MSTN: variants seen among roughly 807,000 people sequenced by gnomAD.
MSTN encodes the protein myostatin.
Under a neutral mutation model 32.3 loss-of-function variants are expected in MSTN, and 12 were observed. That is an observed-to-expected ratio of 0.37 (90% CI 0.24 to 0.60). The LOEUF is 0.60. MSTN is among the 20% of genes least tolerant of loss of function. The pLI is 0.67. For synonymous variants in MSTN, 168 were observed against 155.1 expected, an observed-to-expected ratio of 1.08 and a Z score of -0.62; for missense variants, 403 against 450.3, an observed-to-expected ratio of 0.89 and a Z score of 0.95.
chr2:190,059,911 A>G (rs1685544353), intron 2 of MSTN, 151 bp downstream of exon 2: 3 of 685,734 alleles, frequency 4.4e-6, no homozygotes, highest in Middle Eastern at 3.9e-4. Context: ...TTGGACACCT[A>G]CTTTTATTGG....
At chr2:190,058,706 A>C (rs187828298) in intron 2 of MSTN, among the ~76,000 whole-genome samples, 1 of 152,122 alleles carries the variant, frequency 6.6e-6, no homozygotes. Flanking sequence ...CTTTTGCAGC[A>C]AATTAGATGG....
rs147068830 is a variant in MSTN at position 190,061,076 on chromosome 2, G to A, written c.374-641C>T. Reference sequence around the variant, plus strand: ...TCTTTAGGGCCAGGCTGTCATGTAAGCACAAGCACTAACAATTTCTTTTAT... The same window carrying A: ...TCTTTAGGGCCAGGCTGTCATGTAAACACAAGCACTAACAATTTCTTTTAT... On this transcript the variant is annotated intron_variant, in intron 1 of 2. Transcript: ENST00000260950. 9.9e-4 allele frequency among the ~76,000 whole-genome samples: 150 copies of A among 152,150 alleles called. 1 individual carries two copies. Among genetic ancestry groups the A allele is most frequent in the Middle Eastern group, 3.4e-3 (1 of 294 alleles).
intron 2 of MSTN, among the ~76,000 whole-genome samples, chr2:190,059,501 A>C (rs992583482): frequency 5.3e-5 from 8 of 151,986 alleles, no homozygotes; most frequent in Non-Finnish European, 1.0e-4. Flanking sequence ...CAGTGCATCA[A>C]CATCCTACAA....
chr2:190,061,464 G>A (rs557100152), intron 1 of MSTN, among the ~76,000 whole-genome samples: 2 of 151,876 alleles, frequency 1.3e-5, no homozygotes, highest in African/African-American at 4.8e-5. Context: ...TATTTTAGAA[G>A]GTTATTAAGC....
chr2:190,057,474 A>G lies in MSTN; in HGVS notation c.912T>C (p.Tyr304=), dbSNP rs1219783891. The G allele has an allele frequency of 1.2e-6, 2 of 1,613,580 alleles. No homozygotes were observed. The highest frequency in any genetic ancestry group is 1.1e-5 in the South Asian group (1 of 91,072). The part of the protein sequence containing the change: ...GWDWIIAPKR[Y]KANYCSGECE... ...ACTCTCCAGAGCAGTAATTGGCCTT[A>G]TATCTTTTAGGAGCGATAATCCAAT... The change falls in exon 3 of 3, where the codon TAT becomes TAC. Residue 304 remains tyrosine, a synonymous_variant. Transcript: ENST00000260950.
chr2:190,057,756 T>C, intron 2 of MSTN, 118 bp from the exon 3 acceptor site: 2 of 1,045,350 alleles, frequency 1.9e-6, no homozygotes, highest in Non-Finnish European at 2.9e-6. Context: ...ACCACATTTA[T>C]TTTTAAAAGG....
At chr2:190,058,565 C>A (rs779485054) in intron 2 of MSTN, among the ~76,000 whole-genome samples, 1 of 151,922 alleles carries the variant, frequency 6.6e-6, no homozygotes. Context: ...GTATGTTTAT[C>A]GCAGCATAAT....
chr2:190,058,422 T>G (rs968914111), intron 2 of MSTN, among the ~76,000 whole-genome samples: 9 of 151,982 alleles, frequency 5.9e-5, no homozygotes, highest in Non-Finnish European at 1.3e-4. Flanking sequence ...TAAATGAAAA[T>G]AGCTCTGGCA....
rs750361333 is a variant in MSTN, at chr2:190,062,566, A to G, written c.31T>C (p.Tyr11His). MQKLQLCVYIYLFMLIVAGPV... is the reference protein window; with the variant it reads MQKLQLCVYIHLFMLIVAGPV... ...CCAGCAACAATCAGCATAAACAGGT[A>G]AATATAAACACAGAGTTGCAGTTTT... Residue 11 changes from tyrosine (Y) to histidine (H), a missense_variant, in exon 1 of 3, where the codon TAC (tyrosine) becomes CAC (histidine). By Grantham distance (83) the Tyr-to-His change is moderately conservative (BLOSUM62 2). Transcript: ENST00000260950. 1 of 1,612,780 alleles carries G rather than the reference A, an allele frequency of 6.2e-7. No individual in the cohort carries two copies. Among genetic ancestry groups the G allele is most frequent in the Non-Finnish European group, 8.5e-7 (1 of 1,179,300 alleles).
intron 2 of MSTN, 31 bp downstream of exon 2, chr2:190,060,031 T>C (rs1441224282): frequency 6.3e-7 from 1 of 1,599,292 alleles, no homozygotes; most frequent in East Asian, 2.2e-5. Context: ...AACATAAGGT[T>C]ATTATAATGT....
At chr2:190,059,983 G>A (rs1431303529) in intron 2 of MSTN, 79 bp downstream of exon 2, 9 of 1,437,588 alleles carry the variant, frequency 6.3e-6, no homozygotes, top group Non-Finnish European at 7.7e-6. Flanking sequence ...GGAATTTGTA[G>A]CTATTTTCCA....
Position 190,057,028 on chromosome 2 carries a change from C to A in MSTN, c.*230G>T. Reference sequence around the variant, plus strand: ...AACATAAATGTAATTTGATCTCCTTCTAGCTCAAAAACTCTGGAAATCATA... The same window carrying A: ...AACATAAATGTAATTTGATCTCCTTATAGCTCAAAAACTCTGGAAATCATA... On this transcript the variant is annotated 3_prime_UTR_variant, in exon 3 of 3. Transcript: ENST00000260950. The A allele has an allele frequency of 1.9e-6, 1 of 524,218 alleles. No individual in the cohort carries two copies. The highest frequency in any genetic ancestry group is 2.5e-5 in the South Asian group (1 of 40,178). 32.5% of individuals were successfully genotyped at this position (524,218 alleles called of 1,614,324 possible). A position where few individuals can be genotyped will look rare whatever the true frequency, so the allele number is the denominator to read the frequency against.
chr2:190,060,506 T>G, intron 1 of MSTN, 71 bp from the exon 2 acceptor site: 1 of 1,385,770 alleles, frequency 7.2e-7, no homozygotes, highest in Non-Finnish European at 9.9e-7. Flanking sequence ...ATATTAATAG[T>G]TGAGCATTTT....
chr2:190,062,702 A>G lies in MSTN; in HGVS notation c.-106T>C. The G allele has an allele frequency of 9.3e-7, 1 of 1,073,422 alleles. No homozygotes were observed. The highest frequency in any genetic ancestry group is 1.3e-6 in the Non-Finnish European group (1 of 744,628). 66.5% of individuals were successfully genotyped at this position (1,073,422 alleles called of 1,614,324 possible). On this transcript the variant is annotated 5_prime_UTR_variant, in exon 1 of 3. Coordinates refer to ENST00000260950, the MANE Select transcript of MSTN (RefSeq NM_005259.3). Reference sequence around the variant, plus strand: ...AAAATTTTAATGCATGTACAGTCTGAGAGACAACTTGCCACACCAGTGAAT... The same window carrying G: ...AAAATTTTAATGCATGTACAGTCTGGGAGACAACTTGCCACACCAGTGAAT...
rs752729720 is a variant in MSTN, at chr2:190,060,024, A to C, written c.747+38T>G. 8 of 1,588,100 alleles carry C rather than the reference A, an allele frequency of 5.0e-6. No individual in the cohort carries two copies. The African/African-American group carries it at 9.4e-5, about 19-fold the overall frequency. On this transcript the variant is annotated intron_variant, in intron 2 of 2. Transcript: ENST00000260950. ...GTTTGTTCATATTATGAATAAAAAC[A>C]TAAGGTTATTATAATGTTATTTTCA...
intron 1 of MSTN, 57 bp from the exon 2 acceptor site, chr2:190,060,492 C>T: frequency 1.3e-6 from 2 of 1,486,640 alleles, no homozygotes; most frequent in South Asian, 1.2e-5. Flanking sequence ...AACAAAACCC[C>T]TCCATATTAA....
At chr2:190,058,407 A>G (rs1685497875) in intron 2 of MSTN, among the ~76,000 whole-genome samples, 1 of 152,058 alleles carries the variant, frequency 6.6e-6, no homozygotes, top group Non-Finnish European at 1.5e-5. Flanking sequence ...TTTTTAACCC[A>G]TATCTAAATG....
At chr2:190,059,258 C>T (rs949868127) in intron 2 of MSTN, among the ~76,000 whole-genome samples, 9 of 151,652 alleles carry the variant, frequency 5.9e-5, no homozygotes, top group Non-Finnish European at 1.0e-4. Context: ...TTAGGTAAGC[C>T]AGAAGAGTAA....
In MSTN at chr2:190,060,304, C is replaced by T. The variant is rs1685557002; in HGVS notation, c.505G>A (p.Val169Met). 1 of 1,613,088 alleles carries T rather than the reference C, an allele frequency of 6.2e-7. No individual in the cohort carries two copies. Among genetic ancestry groups the T allele is most frequent in the Non-Finnish European group, 8.5e-7 (1 of 1,179,296 alleles). The change falls in exon 2 of 3, where the codon GTG becomes ATG. Residue 169 changes from valine to methionine, a missense_variant. By Grantham distance (21) the Val-to-Met change is conservative (BLOSUM62 1). Transcript: ENST00000260950. Reference protein sequence around the residue: ...YLRPVETPTTVFVQILRLIKP... With the variant: ...YLRPVETPTTMFVQILRLIKP... ...ATGAGTCTCAGGATTTGCACAAACA[C>T]TGTTGTAGGAGTCTCGACGGGTCTC...
Sources: allele counts gnomAD v4.1 joint callset (sites outside exome capture counted in the v4.1 genomes callset), GRCh38; gene constraint gnomAD v4.1.1; transcripts MANE v1.5; gene names NCBI Gene and HGNC (gene_info 2026-07-23, HGNC 2026-07-21).